CREB5: variants seen among roughly 807,000 people sequenced by gnomAD.
CREB5 encodes the protein cyclic AMP-responsive element-binding protein 5.
Under a neutral mutation model 57.1 loss-of-function variants are expected in CREB5, and 19 were observed. The ratio of observed to expected loss-of-function variants is 0.33; its 90% CI spans 0.23 to 0.49. The LOEUF (loss-of-function observed/expected upper bound fraction) is 0.49. Among genes scored for constraint, CREB5 ranks in the 20% least tolerant of loss-of-function variants. CREB5 has a pLI of 0.99. For synonymous variants in CREB5, 238 were observed against 238.3 expected (o/e 1.00, Z 0.01); for missense variants, 579 against 671.6 (o/e 0.86, Z 1.52).
chr7:28,373,060 T>C (rs182477964), intron 1 of CREB5, among the ~76,000 whole-genome samples: 2 of 152,272 alleles, frequency 1.3e-5, no homozygotes, highest in East Asian at 3.9e-4. Context: ...TGGGCCTCGG[T>C]TTCCTCACCT....
chr7:28,763,986 A>C (rs1805812079), intron 7 of CREB5, among the ~76,000 whole-genome samples: 1 of 151,880 alleles, frequency 6.6e-6, no homozygotes, highest in African/African-American at 2.4e-5. Flanking sequence ...TATTTTTTGT[A>C]GAGAGAGGGT....
At chr7:28,679,250 A>C (rs1800476290) in intron 5 of CREB5, among the ~76,000 whole-genome samples, 1 of 152,128 alleles carries the variant, frequency 6.6e-6, no homozygotes, top group African/African-American at 2.4e-5. Flanking sequence ...TCATGTGCAA[A>C]GGGACAACAT....
chr7:28,638,104 A>G (rs1360108320), intron 5 of CREB5, among the ~76,000 whole-genome samples: 2 of 152,118 alleles, frequency 1.3e-5, no homozygotes, highest in Non-Finnish European at 2.9e-5. Flanking sequence ...GGATTTTTCC[A>G]ATGTTTATCA....
At chr7:28,478,349 T>C (rs1268932779) in intron 1 of CREB5, among the ~76,000 whole-genome samples, 1 of 151,006 alleles carries the variant, frequency 6.6e-6, no homozygotes, top group Non-Finnish European at 1.5e-5. Flanking sequence ...TGAATATATA[T>C]ACATATTTAT....
intron 5 of CREB5, among the ~76,000 whole-genome samples, chr7:28,596,453 G>T (rs1562518892): frequency 6.6e-6 from 1 of 152,260 alleles, no homozygotes; most frequent in East Asian, 1.9e-4. Context: ...TCCAGAAGGA[G>T]TGAGTCACAG....
rs555819695 is a variant in CREB5, at chr7:28,699,795, T to C, written c.465-18958T>C. ...GTAGAACAATAGGGCCAAGAAGGGGTTTTTTCGCTCTGAAAAATACCGAGT... is the reference window on the plus strand; with the variant it reads ...GTAGAACAATAGGGCCAAGAAGGGGCTTTTTCGCTCTGAAAAATACCGAGT... On this transcript the variant is annotated intron_variant, in intron 5 of 10. Transcript: ENST00000357727. Among the ~76,000 whole-genome samples, 3 of 152,032 alleles carry C rather than the reference T, an allele frequency of 2.0e-5. No homozygotes were observed. The East Asian group carries it at 5.8e-4, about 29-fold the overall frequency.
In CREB5 at chr7:28,818,061, T is replaced by C. The variant is rs561714028; in HGVS notation, c.1255-10T>C. The C allele has an allele frequency of 5.6e-6, 9 of 1,608,554 alleles. No homozygotes were observed. The South Asian group carries it at 8.8e-5, about 16-fold the overall frequency. On this transcript the variant is annotated splice_polypyrimidine_tract_variant and intron_variant, in intron 9 of 10. Transcript: ENST00000357727. ...CTTCTCAACATGGTTTTAATACATA[T>C]CTCTTTTAGAATGAAGTGTCTATGT...
At chr7:28,314,910 A>G (rs1785347586) in intron 1 of CREB5, among the ~76,000 whole-genome samples, 1 of 152,250 alleles carries the variant, frequency 6.6e-6, no homozygotes, top group African/African-American at 2.4e-5. Flanking sequence ...GCCTAACAGT[A>G]GAGAAAACTG....
intron 4 of CREB5, among the ~76,000 whole-genome samples, chr7:28,560,862 GTGCC>G (rs1462800607): frequency 0.13 from 5,517 of 41,306 alleles, 1,165 homozygotes; most frequent in South Asian, 0.32. Flanking sequence ...GTGTGTGCGT[GTGCC>G]TGCGTGCGCG....
At chr7:28,605,573 G>C (rs561371434) in intron 5 of CREB5, among the ~76,000 whole-genome samples, 1 of 152,288 alleles carries the variant, frequency 6.6e-6, no homozygotes, top group South Asian at 2.1e-4. Context: ...ACTCCAGGAG[G>C]AAATGAACTG....
intron 4 of CREB5, among the ~76,000 whole-genome samples, chr7:28,560,823 C>CGTGTGTGCGTGCGT (rs1442862711): frequency 4.9e-4 from 17 of 34,446 alleles, no homozygotes; most frequent in Non-Finnish European, 7.3e-4. Flanking sequence ...TGTGTGTGTG[C>CGTGTGTGCGTGCGT]GCGCGCGCGC....
rs180798260 is a variant in CREB5 at position 28,552,777 on chromosome 7, A to G, written c.292-17588A>G. Among the ~76,000 whole-genome samples, 943 of 152,320 alleles carry G rather than the reference A, an allele frequency of 6.2e-3. 13 individuals carry two copies. The highest frequency in any genetic ancestry group is 0.022 in the African/African-American group (895 of 41,562). The stretch of plus-strand genomic sequence containing the variant: ...TGATTTGATCTGGAGGTCACAGTCC[A>G]CTAGGGATGGCTTTTGTCCCAGGAC... On this transcript the variant is annotated intron_variant, in intron 4 of 10. Transcript: ENST00000357727.
At chr7:28,602,275 C>T (rs1013986980) in intron 5 of CREB5, among the ~76,000 whole-genome samples, 3 of 152,214 alleles carry the variant, frequency 2.0e-5, no homozygotes, top group Non-Finnish European at 2.9e-5. Flanking sequence ...TACAGGTGTA[C>T]ACCACCACAC....
chr7:28,533,138 G>A (rs376710977), intron 4 of CREB5, among the ~76,000 whole-genome samples: 10 of 152,044 alleles, frequency 6.6e-5, no homozygotes, highest in South Asian at 4.1e-4. Context: ...ACTGGAAGGC[G>A]GAGGTAGCAG....
intron 5 of CREB5, among the ~76,000 whole-genome samples, chr7:28,631,198 T>G (rs1377442187): frequency 6.6e-6 from 1 of 152,202 alleles, no homozygotes; most frequent in Non-Finnish European, 1.5e-5. Flanking sequence ...TCCTAATCAC[T>G]GACTGCTTTA....
At chr7:28,481,906 A>G (rs1221189197) in intron 1 of CREB5, among the ~76,000 whole-genome samples, 2 of 152,210 alleles carry the variant, frequency 1.3e-5, no homozygotes, top group African/African-American at 4.8e-5. Flanking sequence ...ACACACAGAA[A>G]GATACCAAGA....
Position 28,415,159 on chromosome 7 carries a change from G to A in CREB5, c.3+2242G>A, listed in dbSNP as rs78452477. 1.6e-4 allele frequency among the ~76,000 whole-genome samples: 25 copies of A among 152,242 alleles called. No homozygotes were observed. In the East Asian group the frequency reaches 4.2e-3, roughly 26 times the overall value. ...AAGGATTGAAAACTACCAGGCTGGC[G>A]TTTGACTAGAACTGATTTTAGAGGG... On this transcript the variant is annotated intron_variant, in intron 1 of 10. Transcript: ENST00000357727.
intron 5 of CREB5, among the ~76,000 whole-genome samples, chr7:28,691,011 C>T (rs73083779): frequency 0.064 from 9,769 of 152,230 alleles, 433 homozygotes; most frequent in Middle Eastern, 0.13. Flanking sequence ...CAGGACATCA[C>T]AGTTTGGAAG....
intron 1 of CREB5, among the ~76,000 whole-genome samples, chr7:28,333,401 C>A (rs1273580496): frequency 1.3e-5 from 2 of 152,152 alleles, no homozygotes; most frequent in Non-Finnish European, 2.9e-5. Context: ...TAAAAACAAT[C>A]CGATTATACT....
Sources: gnomAD v4.1 joint callset for allele counts (sites outside exome capture counted in the v4.1 genomes callset) on GRCh38, gnomAD v4.1.1 for gene constraint, MANE v1.5 for transcripts, NCBI Gene and HGNC (gene_info 2026-07-23, HGNC 2026-07-21) for gene names.